Variants in MAPK8 observed in about 807,000 individuals in gnomAD.
MAPK8 encodes JUN N-terminal kinase.
MAPK8 carries 13 observed loss-of-function variants against 52.9 expected under a neutral mutation model. The ratio of observed to expected loss-of-function variants is 0.25; its 90% CI spans 0.16 to 0.39. MAPK8 has a LOEUF of 0.39. Ranked by LOEUF, MAPK8 falls within the 10% of genes least tolerant of loss-of-function variation. The probability of loss-of-function intolerance (pLI) is 1.00; values close to 1 mark genes in which losing one functional copy is unlikely to be tolerated. For missense variants in MAPK8, 300 were observed against 519.2 expected (o/e 0.58, Z 4.10); for synonymous variants, 191 against 169.8 (o/e 1.12, Z -0.97).
intron 5 of MAPK8, among the ~76,000 whole-genome samples, chr10:48,417,997 T>G (rs929418503): frequency 1.3e-5 from 2 of 152,220 alleles, no homozygotes; most frequent in African/African-American, 4.8e-5. Flanking sequence ...GCTTTGTGGA[T>G]AATAGTCTGC....
At chr10:48,390,210 A>T (rs2041545470) in intron 1 of MAPK8, among the ~76,000 whole-genome samples, 1 of 152,202 alleles carries the variant, frequency 6.6e-6, no homozygotes, top group African/African-American at 2.4e-5. Context: ...GCTTCTACTG[A>T]TTGAATGAGG....
intron 11 of MAPK8, among the ~76,000 whole-genome samples, chr10:48,432,376 G>C (rs2044378233): frequency 6.6e-6 from 1 of 152,038 alleles, no homozygotes; most frequent in East Asian, 1.9e-4. Flanking sequence ...ATATATTTTA[G>C]AGTTGTATAT....
At chr10:48,374,227 T>C (rs1239713173) in intron 1 of MAPK8, among the ~76,000 whole-genome samples, 8 of 152,204 alleles carry the variant, frequency 5.3e-5, no homozygotes, top group African/African-American at 1.7e-4. Context: ...GGAGAATCTC[T>C]GGGACACATT....
chr10:48,364,962 C>T (rs1413881729), intron 1 of MAPK8, among the ~76,000 whole-genome samples: 4 of 151,888 alleles, frequency 2.6e-5, no homozygotes, highest in Non-Finnish European at 4.4e-5. Flanking sequence ...AGTGTTTGCA[C>T]CTAATAATCT....
intron 1 of MAPK8, among the ~76,000 whole-genome samples, chr10:48,325,695 G>C (rs1564483146): frequency 6.6e-6 from 1 of 152,014 alleles, no homozygotes; most frequent in Non-Finnish European, 1.5e-5. Flanking sequence ...AGCTTATTCA[G>C]CTTTTCTTAG....
At chr10:48,415,678 T>C (rs2043029295) in intron 5 of MAPK8, among the ~76,000 whole-genome samples, 1 of 151,898 alleles carries the variant, frequency 6.6e-6, no homozygotes, top group Non-Finnish European at 1.5e-5. Context: ...TTGAATATGG[T>C]GGGGTCAGAG....
intron 5 of MAPK8, among the ~76,000 whole-genome samples, chr10:48,410,941 A>C (rs1232489790): frequency 6.6e-6 from 1 of 152,150 alleles, no homozygotes; most frequent in East Asian, 1.9e-4. Context: ...AGAAATGTGT[A>C]TTCAAGCCCT....
chr10:48,318,818 C>T (rs754256045), intron 1 of MAPK8, among the ~76,000 whole-genome samples: 32 of 152,042 alleles, frequency 2.1e-4, no homozygotes, highest in Admixed American at 3.3e-4. Context: ...GGAGGCTAGA[C>T]GAACAAGAAA....
chr10:48,374,806 G>A (rs1438764333), intron 1 of MAPK8, among the ~76,000 whole-genome samples: 1 of 152,078 alleles, frequency 6.6e-6, no homozygotes, highest in African/African-American at 2.4e-5. Flanking sequence ...TTCTACCAGA[G>A]GTACAAAGAG....
intron 1 of MAPK8, among the ~76,000 whole-genome samples, chr10:48,318,426 G>T (rs1371775535): frequency 6.6e-6 from 1 of 152,176 alleles, no homozygotes; most frequent in Non-Finnish European, 1.5e-5. Flanking sequence ...TCAAAAGAAG[G>T]AAAGGGGGAC....
In MAPK8 at chr10:48,384,155, G is replaced by A. The variant is rs183473648; in HGVS notation, c.-49-17457G>A. ...TAATCCCAGCTGCGTGGGAGGGTGA[G>A]GCAGAAGAATCGCTTGAGCCGGAGA... On this transcript the variant is annotated intron_variant, in intron 1 of 11. Transcript: ENST00000374189. Among the ~76,000 whole-genome samples the A allele has an allele frequency of 2.1e-3, 327 of 152,328 alleles. 2 individuals are homozygous for A. Among genetic ancestry groups the A allele is most frequent in the Admixed American group, 0.015 (226 of 15,298 alleles).
intron 1 of MAPK8, among the ~76,000 whole-genome samples, chr10:48,335,290 G>GT (rs1268362767): frequency 6.6e-6 from 1 of 151,940 alleles, no homozygotes; most frequent in African/African-American, 2.4e-5. Context: ...ATTTTAAAAA[G>GT]TTTAAGTGCT....
At chr10:48,332,272 C>A (rs1356889629) in intron 1 of MAPK8, among the ~76,000 whole-genome samples, 1 of 152,166 alleles carries the variant, frequency 6.6e-6, no homozygotes, top group Non-Finnish European at 1.5e-5. Context: ...TGGTCTTAGT[C>A]TGGGAGGTCT....
chr10:48,401,886 T>C lies in MAPK8; in HGVS notation c.122+104T>C, dbSNP rs1302427556. On this transcript the variant is annotated intron_variant, in intron 2 of 11. Coordinates refer to ENST00000374189, the MANE Select transcript of MAPK8 (RefSeq NM_001323329.2). The stretch of plus-strand genomic sequence containing the variant: ...CAAATATTTAACTTGCTTTGAAAAA[T>C]TAAATTAAAACTAAAAATTAAACGA... 7 of 992,654 alleles carry C rather than the reference T, an allele frequency of 7.1e-6. 1 individual carries two copies. The South Asian group carries it at 1.5e-4, about 22-fold the overall frequency. 61.5% of individuals were successfully genotyped at this position (992,654 alleles called of 1,614,324 possible).
intron 1 of MAPK8, among the ~76,000 whole-genome samples, chr10:48,349,348 T>C (rs1227111065): frequency 2.0e-5 from 3 of 152,134 alleles, no homozygotes; most frequent in Non-Finnish European, 4.4e-5. Flanking sequence ...ATCACACTTA[T>C]TCTAAAATTG....
chr10:48,426,482 A>G lies in MAPK8; in HGVS notation c.974A>G (p.Tyr325Cys). ...CAACACCCGTACATCAATGTCTGGT[A>G]TGATCCTTCTGAAGCAGAAGCTGTA... Reference protein sequence around the residue: ...ALQHPYINVWYDPSEAEAPPP... With the variant: ...ALQHPYINVWCDPSEAEAPPP... Residue 325 changes from tyrosine (Y) to cysteine (C), a missense_variant, in exon 9 of 12, where the codon TAT (tyrosine) becomes TGT (cysteine). Physicochemically the swap from Tyr to Cys is radical, Grantham distance 194. This residue lies in a region of MAPK8 where 119 missense variants were observed against 154.4 expected (regional missense o/e 0.77). Coordinates refer to ENST00000374189, the MANE Select transcript of MAPK8 (RefSeq NM_001323329.2). The G allele has an allele frequency of 6.2e-7, 1 of 1,611,348 alleles. No homozygotes were observed. The highest frequency in any genetic ancestry group is 8.5e-7 in the Non-Finnish European group (1 of 1,179,012).
At chr10:48,430,467 A>G (rs11101319) in intron 10 of MAPK8, 7,104 of 152,300 alleles carry the variant, frequency 0.047, 555 homozygotes, top group African/African-American at 0.16. Flanking sequence ...TTCTGATGAT[A>G]ATATAAGTGA....
chr10:48,375,216 A>G (rs75193778), intron 1 of MAPK8, among the ~76,000 whole-genome samples: 66 of 152,198 alleles, frequency 4.3e-4, no homozygotes, highest in Admixed American at 7.2e-4. Context: ...CTCTCAATAA[A>G]CTAGGTATTG....
intron 6 of MAPK8, among the ~76,000 whole-genome samples, chr10:48,420,812 C>CAGT (rs1405015657): frequency 6.6e-6 from 1 of 152,102 alleles, no homozygotes; most frequent in Non-Finnish European, 1.5e-5. Context: ...TTGAAGGAAG[C>CAGT]AGTAAAGTTT....
Sources: gnomAD v4.1 joint callset for allele counts (sites outside exome capture counted in the v4.1 genomes callset) on GRCh38, gnomAD v4.1.1 for gene constraint, gnomAD v4.1.1 regional missense constraint, MANE v1.5 for transcripts, NCBI Gene and HGNC (gene_info 2026-07-23, HGNC 2026-07-21) for gene names.